Variants in MCCC2 observed in about 807,000 individuals in gnomAD.
The protein encoded by MCCC2 is methylcrotonoyl-CoA carboxylase beta chain, mitochondrial.
Under a neutral mutation model 77.2 loss-of-function variants are expected in MCCC2, and 52 were observed. The observed-to-expected ratio is 0.67, with a 90% CI of 0.54 to 0.85. MCCC2 has a LOEUF of 0.85. Among genes scored for constraint, MCCC2 ranks in the 40% least tolerant of loss-of-function variants. The pLI, the probability that MCCC2 is intolerant of heterozygous loss-of-function variation, is 0.00. For missense variants in MCCC2, 682 were observed against 703.2 expected (o/e 0.97, Z 0.34); for synonymous variants, 253 against 248.4 (o/e 1.02, Z -0.18).
chr5:71,623,196 T>A (rs545477422), intron 6 of MCCC2, among the ~76,000 whole-genome samples: 12 of 152,326 alleles, frequency 7.9e-5, no homozygotes, highest in African/African-American at 2.9e-4. Flanking sequence ...CTGTATTAAT[T>A]GTCCTATTGT....
chr5:71,640,553 A>G (rs569288335), intron 10 of MCCC2, among the ~76,000 whole-genome samples: 2 of 152,072 alleles, frequency 1.3e-5, no homozygotes, highest in Admixed American at 6.6e-5. Flanking sequence ...CTGTTCCATC[A>G]TTCCAGAAGT....
intron 1 of MCCC2, among the ~76,000 whole-genome samples, chr5:71,589,461 T>C (rs1478385198): frequency 1.3e-5 from 2 of 152,384 alleles, no homozygotes; most frequent in Middle Eastern, 6.8e-3. Context: ...TTCCCATTCC[T>C]GGACTGAGGC....
chr5:71,601,464 G>A (rs1202264714), intron 4 of MCCC2, among the ~76,000 whole-genome samples: 2 of 152,168 alleles, frequency 1.3e-5, no homozygotes, highest in South Asian at 2.1e-4. Context: ...ATCATTAAAA[G>A]TTTGCATTCT....
chr5:71,617,679 T>A (rs1363763828), intron 6 of MCCC2, among the ~76,000 whole-genome samples: 1 of 152,196 alleles, frequency 6.6e-6, no homozygotes, highest in Non-Finnish European at 1.5e-5. Context: ...CTAACTTCAA[T>A]TATGTTATGT....
chr5:71,652,906 T>G, intron 16 of MCCC2, 152 bp downstream of exon 16: 1 of 753,018 alleles, frequency 1.3e-6, no homozygotes, highest in African/African-American at 1.7e-5. Context: ...GTTGTTTCTT[T>G]ACAATCTGAA....
intron 7 of MCCC2, among the ~76,000 whole-genome samples, chr5:71,631,190 C>A (rs1431285493): frequency 6.6e-6 from 1 of 152,176 alleles, no homozygotes; most frequent in African/African-American, 2.4e-5. Flanking sequence ...ATCACAGTTC[C>A]TGCCACCAAG....
intron 6 of MCCC2, among the ~76,000 whole-genome samples, chr5:71,623,015 T>C (rs1358481505): frequency 1.3e-5 from 2 of 152,046 alleles, no homozygotes; most frequent in Non-Finnish European, 2.9e-5. Flanking sequence ...AAACTGTTCA[T>C]GAAAAAAGAA....
intron 1 of MCCC2, among the ~76,000 whole-genome samples, chr5:71,591,608 G>T (rs1421845769): frequency 6.6e-6 from 1 of 151,742 alleles, no homozygotes; most frequent in African/African-American, 2.4e-5. Context: ...GGCTAATTTT[G>T]TATTTTTTAG....
chr5:71,594,759 A>T (rs1413240947), intron 2 of MCCC2, among the ~76,000 whole-genome samples: 3 of 152,098 alleles, frequency 2.0e-5, no homozygotes. Flanking sequence ...GAGCTTAATT[A>T]TGTGCTCTGT....
intron 15 of MCCC2, 56 bp from the exon 16 acceptor site, chr5:71,652,613 T>TTTTG (rs1198124939): frequency 7.4e-7 from 1 of 1,347,718 alleles, no homozygotes; most frequent in Non-Finnish European, 1.1e-6. Context: ...TGAGATGATC[T>TTTTG]AAACAGGGCC....
intron 2 of MCCC2, among the ~76,000 whole-genome samples, chr5:71,595,023 C>T (rs879342460): frequency 2.6e-5 from 4 of 151,896 alleles, no homozygotes; most frequent in African/African-American, 7.3e-5. Context: ...CTCAGCCTCC[C>T]GAATAGCTGG....
intron 6 of MCCC2, among the ~76,000 whole-genome samples, chr5:71,616,926 C>T (rs1746172940): frequency 6.6e-6 from 1 of 152,204 alleles, no homozygotes; most frequent in South Asian, 2.1e-4. Flanking sequence ...TACCACTAGA[C>T]TGTGGCTCTA....
Position 71,596,274 on chromosome 5 carries a change from T to C in MCCC2, c.197-6T>C. On this transcript the variant is annotated splice_region_variant and splice_polypyrimidine_tract_variant and intron_variant, in intron 2 of 16. Coordinates refer to ENST00000340941, the MANE Select transcript of MCCC2 (RefSeq NM_022132.5). ...CTAATCTAATCTAATCACATTTCTA[T>C]CATAGGAGGTGGTGAGAAAGCCCGA... 6.2e-7 allele frequency: 1 copy of C among 1,612,662 alleles called. No individual in the cohort carries two copies. Among genetic ancestry groups the C allele is most frequent in the Non-Finnish European group, 8.5e-7 (1 of 1,178,674 alleles).
At position 71,587,349 on chromosome 5, in the gene MCCC2, C is replaced by A. The variant is rs935463224; in HGVS notation, c.-77C>A. 6.6e-7 allele frequency: 1 copy of A among 1,510,252 alleles called. No individual in the cohort carries two copies. Among genetic ancestry groups the A allele is most frequent in the Admixed American group, 2.1e-5 (1 of 48,460 alleles). 93.6% of individuals were successfully genotyped at this position (1,510,252 alleles called of 1,614,324 possible). A position where few individuals can be genotyped will look rare whatever the true frequency, so the allele number is the denominator to read the frequency against. ...GCAAGGACCTGAGCTCAGCTTCCGCCCCAGCCAGGGAAGCGGCAGGGGAAA... is the reference window on the plus strand; with the variant it reads ...GCAAGGACCTGAGCTCAGCTTCCGCACCAGCCAGGGAAGCGGCAGGGGAAA... On this transcript the variant is annotated 5_prime_UTR_variant, in exon 1 of 17. Coordinates refer to ENST00000340941, the MANE Select transcript of MCCC2 (RefSeq NM_022132.5).
intron 8 of MCCC2, among the ~76,000 whole-genome samples, chr5:71,633,108 TATATATATA>T (rs1561841265): frequency 1.2e-3 from 27 of 22,252 alleles, no homozygotes; most frequent in Non-Finnish European, 2.7e-3. Context: ...TATATATATA[TATATATATA>T]TATATATATA....
At chr5:71,625,157 T>C (rs1456803072) in intron 6 of MCCC2, among the ~76,000 whole-genome samples, 2 of 152,234 alleles carry the variant, frequency 1.3e-5, no homozygotes, top group African/African-American at 4.8e-5. Context: ...TCTTTAGGTA[T>C]TATTTTTGAA....
At chr5:71,633,324 A>G (rs1270732756) in intron 8 of MCCC2, among the ~76,000 whole-genome samples, 1 of 151,530 alleles carries the variant, frequency 6.6e-6, no homozygotes, top group African/African-American at 2.4e-5. Flanking sequence ...ATATTATGTT[A>G]AGGGTGTAGA....
At chr5:71,622,110 TC>T (rs1361715115) in intron 6 of MCCC2, among the ~76,000 whole-genome samples, 1 of 152,146 alleles carries the variant, frequency 6.6e-6, no homozygotes, top group Non-Finnish European at 1.5e-5. Flanking sequence ...TTCTGGTCAT[TC>T]ATCTTACATC....
intron 5 of MCCC2, chr5:71,602,880 G>T: frequency 3.7e-5 from 18 of 492,400 alleles, no homozygotes; most frequent in South Asian, 1.4e-4. Context: ...TGTGTTGTGT[G>T]GTTTTTTTTT....
Sources: gnomAD v4.1 joint callset for allele counts (sites outside exome capture counted in the v4.1 genomes callset) on GRCh38, gnomAD v4.1.1 for gene constraint, MANE v1.5 for transcripts, NCBI Gene and HGNC (gene_info 2026-07-23, HGNC 2026-07-21) for gene names.